Variants in KCNK13 observed in about 807,000 individuals in gnomAD.
KCNK13 encodes potassium two pore domain channel subfamily K member 13.
A neutral mutation model predicts 23.4 loss-of-function variants in KCNK13; 12 were observed. That is an observed-to-expected ratio of 0.51 (90% CI 0.33 to 0.83). KCNK13 has a LOEUF of 0.83. Ranked by LOEUF, KCNK13 falls within the 40% of genes least tolerant of loss-of-function variation. KCNK13 has a pLI of 0.02. For missense variants in KCNK13, 463 were observed against 556.3 expected, an observed-to-expected ratio of 0.83 and a Z score of 1.69; for synonymous variants, 231 against 229.5, an observed-to-expected ratio of 1.01 and a Z score of -0.06.
intron 1 of KCNK13, among the ~76,000 whole-genome samples, chr14:90,123,811 T>A (rs561962997): frequency 6.6e-6 from 1 of 152,028 alleles, no homozygotes; most frequent in East Asian, 1.9e-4. Context: ...AAAAGAAAAA[T>A]TTCTGTAGAG....
rs184681798 is a variant in KCNK13 at position 90,091,690 on chromosome 14, C to G, written c.334+29151C>G. ...GATGCATGAAGGGTAAAAGACATGC[C>G]AATACCCTCTTCTCGGTGGGGTAGA... On this transcript the variant is annotated intron_variant, in intron 1 of 1. Transcript: ENST00000282146. Among the ~76,000 whole-genome samples the G allele has an allele frequency of 5.4e-4, 82 of 151,320 alleles. 1 individual carries two copies. In the East Asian group the frequency reaches 0.015, roughly 27 times the overall value.
chr14:90,110,987 C>A (rs79173407), intron 1 of KCNK13, among the ~76,000 whole-genome samples: 1 of 144,384 alleles, frequency 6.9e-6, no homozygotes, highest in Admixed American at 7.2e-5. Context: ...CCAGCCTGGA[C>A]AACAAGAGCA....
intron 1 of KCNK13, among the ~76,000 whole-genome samples, chr14:90,129,849 C>CT (rs1336058652): frequency 6.6e-6 from 1 of 151,920 alleles, no homozygotes; most frequent in African/African-American, 2.4e-5. Flanking sequence ...AGAATGGGCT[C>CT]TAACAGGTTT....
chr14:90,109,176 CAA>C (rs200541882), intron 1 of KCNK13, among the ~76,000 whole-genome samples: 5 of 131,248 alleles, frequency 3.8e-5, no homozygotes, highest in Admixed American at 1.6e-4. Context: ...GACTCCGTCT[CAA>C]AAAAAAAAAA....
chr14:90,087,176 G>T (rs1889291384), intron 1 of KCNK13, among the ~76,000 whole-genome samples: 4 of 136,236 alleles, frequency 2.9e-5, no homozygotes, highest in Admixed American at 7.7e-5. Context: ...TATTGAGATG[G>T]GGCCTCACTA....
At chr14:90,163,680 C>CTTAT (rs10629193) in intron 1 of KCNK13, among the ~76,000 whole-genome samples, 10,171 of 151,634 alleles carry the variant, frequency 0.067, 1,060 homozygotes, top group African/African-American at 0.23. Flanking sequence ...CTTCACGTTT[C>CTTAT]TTATTTATTT....
At chr14:90,149,977 G>A (rs1048019995) in intron 1 of KCNK13, among the ~76,000 whole-genome samples, 1 of 151,828 alleles carries the variant, frequency 6.6e-6, no homozygotes, top group Non-Finnish European at 1.5e-5. Context: ...GCATCTAGTA[G>A]GTGAGACAGT....
At chr14:90,133,746 G>T (rs551834834) in intron 1 of KCNK13, among the ~76,000 whole-genome samples, 101 of 152,086 alleles carry the variant, frequency 6.6e-4, no homozygotes, top group South Asian at 4.2e-3. Flanking sequence ...AACTCTTCCT[G>T]CTCCTTTGAG....
chr14:90,067,069 G>A (rs1004649329), intron 1 of KCNK13, among the ~76,000 whole-genome samples: 12 of 152,224 alleles, frequency 7.9e-5, no homozygotes, highest in Non-Finnish European at 1.3e-4. Context: ...AGGAGTTCGA[G>A]ACCAGCCTGG....
chr14:90,071,482 C>T (rs1427087941), intron 1 of KCNK13, among the ~76,000 whole-genome samples: 1 of 152,190 alleles, frequency 6.6e-6, no homozygotes, highest in African/African-American at 2.4e-5. Context: ...TCTGTCCCTC[C>T]TGGTCCCATC....
In KCNK13 at chr14:90,163,198, A is replaced by G. The variant is rs1044238392; in HGVS notation, c.335-20913A>G. The stretch of plus-strand genomic sequence containing the variant: ...GAATGAATAAGTGGAAATGATGAAC[A>G]CAAATGGCTTGTCAAGGAGAAGGAA... On this transcript the variant is annotated intron_variant, in intron 1 of 1. Coordinates refer to ENST00000282146, the MANE Select transcript of KCNK13 (RefSeq NM_022054.4). Among the ~76,000 whole-genome samples the G allele has an allele frequency of 2.0e-5, 3 of 152,254 alleles. 1 individual carries two copies. Among genetic ancestry groups the G allele is most frequent in the East Asian group, 3.8e-4 (2 of 5,200 alleles).
chr14:90,109,718 T>A (rs1156668038), intron 1 of KCNK13, among the ~76,000 whole-genome samples: 1 of 150,618 alleles, frequency 6.6e-6, no homozygotes, highest in Non-Finnish European at 1.5e-5. Context: ...CCCTTTATTT[T>A]TTTTTTTTTG....
chr14:90,117,460 C>T (rs1278517537), intron 1 of KCNK13, among the ~76,000 whole-genome samples: 1 of 152,084 alleles, frequency 6.6e-6, no homozygotes, highest in East Asian at 1.9e-4. Context: ...CGTGGTGGCG[C>T]GCGCCTGTAG....
chr14:90,077,373 G>A (rs555164504), intron 1 of KCNK13, among the ~76,000 whole-genome samples: 36 of 151,034 alleles, frequency 2.4e-4, no homozygotes, highest in African/African-American at 7.5e-4. Flanking sequence ...CGCCCGCCTC[G>A]GCCTCCCAAA....
At chr14:90,092,912 C>CAAAAAAAAAAAAAAA (rs34122207) in intron 1 of KCNK13, among the ~76,000 whole-genome samples, 3 of 78,306 alleles carry the variant, frequency 3.8e-5, no homozygotes, top group Admixed American at 1.5e-4. Context: ...ACCCTGTCTC[C>CAAAAAAAAAAAAAAA]AAAAAAAAAA....
chr14:90,159,429 A>G (rs1295744445), intron 1 of KCNK13, among the ~76,000 whole-genome samples: 1 of 152,162 alleles, frequency 6.6e-6, no homozygotes, highest in Non-Finnish European at 1.5e-5. Context: ...AACACAATCA[A>G]TCAGGCAGAT....
At chr14:90,071,909 A>AT (rs1889080100) in intron 1 of KCNK13, among the ~76,000 whole-genome samples, 1 of 151,660 alleles carries the variant, frequency 6.6e-6, no homozygotes, top group Admixed American at 6.6e-5. Context: ...AAAAAAAAAA[A>AT]GAGGGAAGGA....
At chr14:90,183,026 G>T (rs1188791413) in intron 1 of KCNK13, among the ~76,000 whole-genome samples, 1 of 152,040 alleles carries the variant, frequency 6.6e-6, no homozygotes, top group Non-Finnish European at 1.5e-5. Flanking sequence ...GATGAGAGTG[G>T]GCTGACCCTC....
At chr14:90,117,342 C>A (rs1333396670) in intron 1 of KCNK13, among the ~76,000 whole-genome samples, 1 of 152,124 alleles carries the variant, frequency 6.6e-6, no homozygotes, top group African/African-American at 2.4e-5. Flanking sequence ...GTAATCCCAG[C>A]ACTTTGGGAG....
Sources: allele counts gnomAD v4.1 joint callset (sites outside exome capture counted in the v4.1 genomes callset), GRCh38; gene constraint gnomAD v4.1.1; transcripts MANE v1.5; gene names NCBI Gene and HGNC (gene_info 2026-07-23, HGNC 2026-07-21).